The following MLLT3 variants were observed in gnomAD, a reference collection of about 807,000 sequenced individuals.
MLLT3 encodes MLLT3 super elongation complex subunit, also known as protein AF-9.
MLLT3 carries 4 observed loss-of-function variants against 53.2 expected under a neutral mutation model. The ratio of observed to expected loss-of-function variants is 0.08; its 90% CI spans 0.04 to 0.17. MLLT3 has a LOEUF of 0.17. Ranked by LOEUF, MLLT3 falls within the 10% of genes least tolerant of loss-of-function variation. The pLI is 1.00. For missense variants in MLLT3, 569 were observed against 684.0 expected (o/e 0.83, Z 1.87); for synonymous variants, 283 against 230.6 (o/e 1.23, Z -2.06).
chr9:20,389,200 C>A (rs1822122856), intron 5 of MLLT3, among the ~76,000 whole-genome samples: 1 of 152,158 alleles, frequency 6.6e-6, no homozygotes, highest in African/African-American at 2.4e-5. Context: ...TAATGAAGTT[C>A]TGGTACATGG....
At chr9:20,481,077 T>A (rs1824651030) in intron 2 of MLLT3, among the ~76,000 whole-genome samples, 2 of 152,174 alleles carry the variant, frequency 1.3e-5, no homozygotes, top group African/African-American at 4.8e-5. Context: ...TAAGTATTAT[T>A]GGTAAAAATG....
intron 4 of MLLT3, among the ~76,000 whole-genome samples, chr9:20,438,647 T>C (rs748125114): frequency 6.6e-6 from 1 of 152,072 alleles, no homozygotes; most frequent in Non-Finnish European, 1.5e-5. Context: ...GTGGCCCAGG[T>C]TGGTCTCAAA....
intron 6 of MLLT3, 57 bp downstream of exon 6, chr9:20,365,612 T>A: frequency 6.3e-7 from 1 of 1,593,614 alleles, no homozygotes; most frequent in Non-Finnish European, 8.6e-7. Flanking sequence ...CCTCCCAAAG[T>A]GCCATTAAGG....
chr9:20,472,578 T>C (rs941167550), intron 2 of MLLT3, among the ~76,000 whole-genome samples: 2 of 152,014 alleles, frequency 1.3e-5, no homozygotes, highest in African/African-American at 2.4e-5. Flanking sequence ...GCAGCAGTAG[T>C]TGAACACCCT....
chr9:20,393,602 G>C (rs1380705862), intron 5 of MLLT3, among the ~76,000 whole-genome samples: 1 of 152,146 alleles, frequency 6.6e-6, no homozygotes, highest in Admixed American at 6.5e-5. Flanking sequence ...GCTATGAAAA[G>C]GTCAGTGCCT....
At chr9:20,523,800 C>G (rs184086100) in intron 2 of MLLT3, among the ~76,000 whole-genome samples, 141 of 151,962 alleles carry the variant, frequency 9.3e-4, no homozygotes, top group Middle Eastern at 3.4e-3. Flanking sequence ...GAAACCCCAT[C>G]TCTACAAAAA....
intron 3 of MLLT3, among the ~76,000 whole-genome samples, chr9:20,452,824 A>G (rs1823870727): frequency 6.6e-6 from 1 of 152,190 alleles, no homozygotes; most frequent in Non-Finnish European, 1.5e-5. Flanking sequence ...AAATTCATAA[A>G]ATCAGAGACT....
At chr9:20,436,732 T>C (rs1823415875) in intron 4 of MLLT3, among the ~76,000 whole-genome samples, 1 of 152,172 alleles carries the variant, frequency 6.6e-6, no homozygotes, top group Non-Finnish European at 1.5e-5. Flanking sequence ...TTTACTCATC[T>C]GTAAAATGGT....
In MLLT3 at chr9:20,343,678, A is replaced by C. The variant is rs1437202418; in HGVS notation, c.*2765T>G. The C allele has an allele frequency of 8.9e-6, 2 of 224,760 alleles. No homozygotes were observed. The highest frequency in any genetic ancestry group is 4.5e-5 in the African/African-American group (2 of 44,836). 13.9% of individuals were successfully genotyped at this position (224,760 alleles called of 1,614,324 possible). A position where few individuals can be genotyped will look rare whatever the true frequency, so the allele number is the denominator to read the frequency against. ...AAGTTTATCATACTCTGGCTGGTTC[A>C]AACCATATTCACATTTACCCAATTA... On this transcript the variant is annotated 3_prime_UTR_variant, in exon 11 of 11. Coordinates refer to ENST00000380338, the MANE Select transcript of MLLT3 (RefSeq NM_004529.4).
At chr9:20,418,975 A>G (rs559027931) in intron 4 of MLLT3, among the ~76,000 whole-genome samples, 1 of 152,266 alleles carries the variant, frequency 6.6e-6, no homozygotes, top group Admixed American at 6.5e-5. Flanking sequence ...AGATGCCTGT[A>G]CCTTTCATCA....
At chr9:20,593,979 T>C (rs926750746) in intron 2 of MLLT3, among the ~76,000 whole-genome samples, 10 of 151,802 alleles carry the variant, frequency 6.6e-5, no homozygotes, top group Admixed American at 3.9e-4. Context: ...CTTGCTCTGT[T>C]GCCCAGGCTG....
At chr9:20,577,467 T>G (rs542192367) in intron 2 of MLLT3, among the ~76,000 whole-genome samples, 3 of 152,294 alleles carry the variant, frequency 2.0e-5, no homozygotes, top group African/African-American at 7.2e-5. Context: ...ACAGCGCCTG[T>G]TCTCTTAACC....
intron 5 of MLLT3, among the ~76,000 whole-genome samples, chr9:20,371,761 C>T (rs1274635602): frequency 5.3e-5 from 8 of 152,162 alleles, no homozygotes; most frequent in Non-Finnish European, 1.2e-4. Context: ...TTCTGTAGCT[C>T]ATGAATCAAG....
intron 2 of MLLT3, among the ~76,000 whole-genome samples, chr9:20,608,058 C>T (rs1587127621): frequency 6.6e-6 from 1 of 151,924 alleles, no homozygotes; most frequent in Non-Finnish European, 1.5e-5. Context: ...AAAAGGACCA[C>T]TTCTTTCTCT....
chr9:20,383,861 G>A (rs905085996), intron 5 of MLLT3, among the ~76,000 whole-genome samples: 1 of 151,884 alleles, frequency 6.6e-6, no homozygotes, highest in Non-Finnish European at 1.5e-5. Flanking sequence ...AGACATTCTA[G>A]CAAGGACTTC....
intron 2 of MLLT3, among the ~76,000 whole-genome samples, chr9:20,569,363 T>C (rs1819467468): frequency 1.3e-5 from 2 of 152,146 alleles, no homozygotes; most frequent in African/African-American, 4.8e-5. Context: ...AAAGCCTCCA[T>C]GGGTTACTGC....
intron 2 of MLLT3, among the ~76,000 whole-genome samples, chr9:20,611,514 C>G (rs1820701922): frequency 2.0e-5 from 3 of 151,880 alleles, no homozygotes; most frequent in African/African-American, 7.2e-5. Flanking sequence ...TTGACAAAAT[C>G]AAATATTTTA....
intron 2 of MLLT3, among the ~76,000 whole-genome samples, chr9:20,463,609 A>T (rs568408407): frequency 9.2e-5 from 14 of 152,180 alleles, no homozygotes; most frequent in African/African-American, 2.9e-4. Context: ...AGTTCCTTCA[A>T]TGTAACTCAG....
At chr9:20,596,238 C>T (rs1161995181) in intron 2 of MLLT3, among the ~76,000 whole-genome samples, 1 of 152,158 alleles carries the variant, frequency 6.6e-6, no homozygotes, top group African/African-American at 2.4e-5. Context: ...TGAATAAAAG[C>T]TTGCGGAATT....
Sources: gnomAD v4.1 joint callset for allele counts (sites outside exome capture counted in the v4.1 genomes callset) on GRCh38, gnomAD v4.1.1 for gene constraint, MANE v1.5 for transcripts, NCBI Gene and HGNC (gene_info 2026-07-23, HGNC 2026-07-21) for gene names.